Variants in ATP6V0D1 observed in about 807,000 individuals in gnomAD.
ATP6V0D1 encodes the protein ATPase H+ transporting V0 subunit d1.
ATP6V0D1 carries 13 observed loss-of-function variants against 39.0 expected under a neutral mutation model. The observed-to-expected ratio is 0.33, with a 90% CI of 0.22 to 0.53. ATP6V0D1 has a LOEUF of 0.53. Ranked by LOEUF, ATP6V0D1 falls within the 20% of genes least tolerant of loss-of-function variation. ATP6V0D1 has a pLI of 0.94. For synonymous variants in ATP6V0D1, 191 were observed against 191.2 expected (o/e 1.00, Z 0.01); for missense variants, 272 against 470.9 (o/e 0.58, Z 3.91).
intron 1 of ATP6V0D1, among the ~76,000 whole-genome samples, chr16:67,476,190 C>T (rs2041413120): frequency 6.6e-6 from 1 of 150,718 alleles, no homozygotes; most frequent in African/African-American, 2.5e-5. Context: ...CCACTGCACT[C>T]CAGCCTGGGC....
intron 1 of ATP6V0D1, chr16:67,454,816 C>G (rs900709117): frequency 6.6e-6 from 1 of 152,264 alleles, no homozygotes; most frequent in African/African-American, 2.4e-5. Context: ...CCCGCTTAAC[C>G]TCTCTGACTT....
At position 67,453,152 on chromosome 16, in the gene ATP6V0D1, T is replaced by C. The variant is rs1356929886; in HGVS notation, c.302+392A>G. ...CATGGGGAGTGGGGCCTGGTGAGTG[T>C]TCTGTTTGGGTGCTGTAGGGTAAGA... is the stretch of plus-strand genomic sequence containing the variant. On this transcript the variant is annotated intron_variant, in intron 2 of 7. Transcript: ENST00000290949. This position sits in a 1 kb window ranked among gnomAD's most constrained non-coding sequence, Gnocchi z 4.1. Among the ~76,000 whole-genome samples the C allele has an allele frequency of 6.6e-6, 1 of 152,064 alleles. No homozygotes were observed. Among genetic ancestry groups the C allele is most frequent in the Non-Finnish European group, 1.5e-5 (1 of 68,010 alleles).
chr16:67,453,891 C>A lies in ATP6V0D1; in HGVS notation c.131-176G>T, dbSNP rs930528459. Among the ~76,000 whole-genome samples, 1 of 152,144 alleles carries A rather than the reference C, an allele frequency of 6.6e-6. No individual in the cohort carries two copies. The highest frequency in any genetic ancestry group is 1.5e-5 in the Non-Finnish European group (1 of 68,032). Reference sequence around the variant, plus strand: ...CTACCACAGGGCAATCAGCTAAGGCCCTGGAGATGCACCAGATCTTTGGGC... The same window carrying A: ...CTACCACAGGGCAATCAGCTAAGGCACTGGAGATGCACCAGATCTTTGGGC... On this transcript the variant is annotated intron_variant, in intron 1 of 7. Coordinates refer to ENST00000290949, the MANE Select transcript of ATP6V0D1 (RefSeq NM_004691.5). The surrounding 1 kb of genome is among the most constrained non-coding windows in gnomAD (Gnocchi z 4.1).
intron 1 of ATP6V0D1, among the ~76,000 whole-genome samples, chr16:67,479,321 C>A (rs2041443370): frequency 6.7e-6 from 1 of 150,296 alleles, no homozygotes; most frequent in African/African-American, 2.5e-5. Context: ...TCAAGCAATT[C>A]TCCTGCCTCA....
At chr16:67,445,379 A>G (rs1305525603) in intron 2 of ATP6V0D1, among the ~76,000 whole-genome samples, 1 of 152,126 alleles carries the variant, frequency 6.6e-6, no homozygotes, top group Non-Finnish European at 1.5e-5. Context: ...GGGACAGAAG[A>G]GGAAGAGGCA....
chr16:67,466,901 CTG>C (rs1419986670), intron 1 of ATP6V0D1, among the ~76,000 whole-genome samples: 2 of 152,192 alleles, frequency 1.3e-5, no homozygotes, highest in African/African-American at 4.8e-5. Context: ...AGGAACTGGT[CTG>C]TCTTGCATGA....
intron 2 of ATP6V0D1, among the ~76,000 whole-genome samples, chr16:67,449,174 G>A (rs546972739): frequency 3.9e-5 from 6 of 152,322 alleles, no homozygotes; most frequent in African/African-American, 1.4e-4. Context: ...AGAGAAATAT[G>A]GGCCCTCAGA....
At chr16:67,452,641 C>T (rs142363769) in intron 2 of ATP6V0D1, among the ~76,000 whole-genome samples, 12 of 152,358 alleles carry the variant, frequency 7.9e-5, no homozygotes, top group East Asian at 5.8e-4. Flanking sequence ...AGACGCTAGC[C>T]GCTGAGCATG....
intron 1 of ATP6V0D1, among the ~76,000 whole-genome samples, chr16:67,465,741 G>C (rs1053590079): frequency 2.0e-5 from 3 of 152,224 alleles, no homozygotes; most frequent in Admixed American, 6.5e-5. Context: ...CAGGAAGATA[G>C]GGCACAGGGA....
chr16:67,445,843 C>G (rs2142303492), intron 2 of ATP6V0D1: 1 of 444,700 alleles, frequency 2.2e-6, no homozygotes, highest in East Asian at 7.0e-5. Flanking sequence ...GCAGTAAGCC[C>G]CATTCCACAG....
intron 3 of ATP6V0D1, chr16:67,443,439 C>T (rs944175952): frequency 4.1e-5 from 19 of 469,028 alleles, no homozygotes; most frequent in South Asian, 3.0e-4. Context: ...ATCTAATCAC[C>T]GCTGGGGCAG....
chr16:67,457,404 T>G, intron 1 of ATP6V0D1: 1 of 386,326 alleles, frequency 2.6e-6, no homozygotes, highest in South Asian at 2.1e-5. Context: ...ACCGCTCTAT[T>G]CCCCAGCCCT....
chr16:67,474,588 T>C, intron 1 of ATP6V0D1, among the ~76,000 whole-genome samples: 1 of 152,248 alleles, frequency 6.6e-6, no homozygotes, highest in East Asian at 1.9e-4. Context: ...AGGGAATGCC[T>C]TTGGCCTTTT....
chr16:67,478,512 G>T (rs2041434913), intron 1 of ATP6V0D1, among the ~76,000 whole-genome samples: 1 of 151,866 alleles, frequency 6.6e-6, no homozygotes, highest in South Asian at 2.1e-4. Flanking sequence ...TACTCAGTAG[G>T]CTGAGGCACG....
chr16:67,481,010 C>G lies in ATP6V0D1; in HGVS notation c.77G>C (p.Gly26Ala). 1 of 1,614,182 alleles carries G rather than the reference C, an allele frequency of 6.2e-7. No homozygotes were observed. Among genetic ancestry groups the G allele is most frequent in the Non-Finnish European group, 8.5e-7 (1 of 1,179,998 alleles). The change falls in exon 1 of 8, where the codon GGG becomes GCG. Residue 26 changes from glycine (G) to alanine (A), a missense_variant. Gly to Ala is a moderately conservative substitution (Grantham distance 60, BLOSUM62 0). Coordinates refer to ENST00000290949, the MANE Select transcript of ATP6V0D1 (RefSeq NM_004691.5). ...LEGLVRGLKA[G>A]VLSQADYLNL... Reference sequence around the variant, plus strand: ...GAGGTAGTCGGCCTGGCTGAGCACCCCGGCCTTCAGGCCGCGCACCAGTCC... The same window carrying G: ...GAGGTAGTCGGCCTGGCTGAGCACCGCGGCCTTCAGGCCGCGCACCAGTCC...
chr16:67,465,386 A>G (rs1597580973), intron 1 of ATP6V0D1, among the ~76,000 whole-genome samples: 2 of 152,214 alleles, frequency 1.3e-5, no homozygotes, highest in Non-Finnish European at 2.9e-5. Context: ...AATGAGGTTG[A>G]GGAGAGAGAA....
In ATP6V0D1 at chr16:67,439,254, G is replaced by A; in HGVS notation, c.639+20C>T. ...AGGGCTAGCGGGCACCAGCAGGCAGGAGGGCGGGCAGGCACTCACCTCCAG... is the reference window on the plus strand; with the variant it reads ...AGGGCTAGCGGGCACCAGCAGGCAGAAGGGCGGGCAGGCACTCACCTCCAG... On this transcript the variant is annotated intron_variant, in intron 5 of 7. Coordinates refer to ENST00000290949, the MANE Select transcript of ATP6V0D1 (RefSeq NM_004691.5). The A allele has an allele frequency of 1.2e-6, 2 of 1,614,100 alleles. No individual in the cohort carries two copies. Among genetic ancestry groups the A allele is most frequent in the Non-Finnish European group, 1.7e-6 (2 of 1,180,026 alleles).
intron 1 of ATP6V0D1, among the ~76,000 whole-genome samples, chr16:67,466,326 TAC>T (rs536624557): frequency 0.13 from 15,585 of 120,340 alleles, 925 homozygotes; most frequent in African/African-American, 0.2. Context: ...AGTAAACACA[TAC>T]ACACACACAC....
At chr16:67,466,527 C>T (rs1240445481) in intron 1 of ATP6V0D1, among the ~76,000 whole-genome samples, 31 of 144,250 alleles carry the variant, frequency 2.1e-4, no homozygotes, top group Non-Finnish European at 7.6e-5. Flanking sequence ...AAAACTCTGT[C>T]TCAAAAAAAA....
Sources: allele counts gnomAD v4.1 joint callset (sites outside exome capture counted in the v4.1 genomes callset), GRCh38; gene constraint gnomAD v4.1.1; non-coding constraint Gnocchi (gnomAD v3.1); transcripts MANE v1.5; gene names NCBI Gene and HGNC (gene_info 2026-07-23, HGNC 2026-07-21).